The following PRR5L variants were observed in gnomAD, a reference collection of about 807,000 sequenced individuals.
PRR5L encodes the protein proline rich 5 like.
Under a neutral mutation model 36.4 loss-of-function variants are expected in PRR5L, and 21 were observed. That is an observed-to-expected ratio of 0.58 (90% CI 0.41 to 0.83). The LOEUF is 0.83. Ranked by LOEUF, PRR5L falls within the 40% of genes least tolerant of loss-of-function variation. The pLI, the probability that PRR5L is intolerant of heterozygous loss-of-function variation, is 0.00. For synonymous variants in PRR5L, 188 were observed against 197.0 expected (o/e 0.95, Z 0.38); for missense variants, 381 against 473.3 (o/e 0.80, Z 1.81).
chr11:36,336,686 T>C (rs1476924542), intron 1 of PRR5L, among the ~76,000 whole-genome samples: 1 of 152,110 alleles, frequency 6.6e-6, no homozygotes, highest in Non-Finnish European at 1.5e-5. Context: ...TTCTCATCAA[T>C]AGAAAAGCAT....
intron 5 of PRR5L, among the ~76,000 whole-genome samples, chr11:36,432,160 TTTGTTTTGTTTTTGTTTTTG>T (rs1858512113): frequency 3.7e-5 from 1 of 27,116 alleles, no homozygotes; most frequent in African/African-American, 8.8e-5. Context: ...AGGGTTTTTT[TTTGTTTTGTTTTTGTTTTTG>T]TTTTTGTTTT....
intron 1 of PRR5L, among the ~76,000 whole-genome samples, chr11:36,312,228 A>G (rs529136269): frequency 5.9e-5 from 9 of 152,342 alleles, no homozygotes; most frequent in East Asian, 1.9e-4. Context: ...AGGGGAAGAC[A>G]TAGGGGCAAC....
chr11:36,453,965 C>G (rs1443952792), intron 8 of PRR5L: 1 of 152,680 alleles, frequency 6.5e-6, no homozygotes, highest in East Asian at 1.9e-4. Context: ...GAAAGGGCTT[C>G]AGAGTTGCAA....
At chr11:36,391,072 G>C (rs4077045) in intron 1 of PRR5L, among the ~76,000 whole-genome samples, 121,790 of 152,122 alleles carry the variant, frequency 0.8, 48,898 homozygotes, top group East Asian at 0.9. Context: ...TCTTGTTTCC[G>C]TGGTAACTAG....
chr11:36,343,539 C>A (rs1856836184), intron 1 of PRR5L, among the ~76,000 whole-genome samples: 1 of 152,176 alleles, frequency 6.6e-6, no homozygotes, highest in African/African-American at 2.4e-5. Flanking sequence ...CTTCACTGAG[C>A]ACGCAGTAAA....
At chr11:36,341,673 T>G (rs2133480922) in intron 1 of PRR5L, among the ~76,000 whole-genome samples, 1 of 152,320 alleles carries the variant, frequency 6.6e-6, no homozygotes, top group Non-Finnish European at 1.5e-5. Flanking sequence ...AGTACAGAGC[T>G]CTTGCCTCTC....
chr11:36,440,876 CTT>C (rs910716580), intron 6 of PRR5L, among the ~76,000 whole-genome samples: 5 of 152,070 alleles, frequency 3.3e-5, no homozygotes, highest in Non-Finnish European at 5.9e-5. Flanking sequence ...AGGTGGCAGA[CTT>C]TTTGAAACAA....
intron 5 of PRR5L, among the ~76,000 whole-genome samples, chr11:36,436,832 A>T (rs114864292): frequency 0.01 from 1,553 of 152,252 alleles, 16 homozygotes; most frequent in African/African-American, 0.032. Flanking sequence ...TAGTCATGAG[A>T]TATCTTATAG....
At chr11:36,298,976 AT>A (rs1468848643) in intron 1 of PRR5L, among the ~76,000 whole-genome samples, 1 of 152,178 alleles carries the variant, frequency 6.6e-6, no homozygotes, top group African/African-American at 2.4e-5. Context: ...ACTTAATCAC[AT>A]TTTTAAAGGT....
chr11:36,299,587 T>A (rs1237684388), intron 1 of PRR5L, among the ~76,000 whole-genome samples: 2 of 152,224 alleles, frequency 1.3e-5, no homozygotes, highest in African/African-American at 2.4e-5. Context: ...GAGACCATAG[T>A]CATTTTTACA....
intron 4 of PRR5L, among the ~76,000 whole-genome samples, chr11:36,420,315 G>A (rs1302070030): frequency 2.6e-5 from 4 of 152,202 alleles, no homozygotes; most frequent in East Asian, 3.8e-4. Flanking sequence ...AAAGCACTCT[G>A]TACGTAGTGT....
In PRR5L at chr11:36,419,392, T is replaced by C; in HGVS notation, c.294+89T>C. 3 of 1,148,060 alleles carry C rather than the reference T, an allele frequency of 2.6e-6. No individual in the cohort carries two copies. In the East Asian group the frequency reaches 7.1e-5, roughly 27 times the overall value. 71.1% of individuals were successfully genotyped at this position (1,148,060 alleles called of 1,614,324 possible). A position where few individuals can be genotyped will look rare whatever the true frequency, so the allele number is the denominator to read the frequency against. On this transcript the variant is annotated intron_variant, in intron 4 of 8. Coordinates refer to ENST00000530639, the MANE Select transcript of PRR5L (RefSeq NM_001160167.2). ...GTGGCCAATACTGTACAGTTGGACA[T>C]TCCTTCAACAGACAAAATTACGTAT...
At chr11:36,450,681 G>A (rs1336500988) in intron 7 of PRR5L, among the ~76,000 whole-genome samples, 2 of 152,196 alleles carry the variant, frequency 1.3e-5, no homozygotes. Context: ...TGGCAGAAGA[G>A]GGGATCAGAG....
At chr11:36,402,245 T>G (rs2133559166) in intron 2 of PRR5L, among the ~76,000 whole-genome samples, 1 of 152,318 alleles carries the variant, frequency 6.6e-6, no homozygotes, top group East Asian at 1.9e-4. Context: ...TATGGATCTT[T>G]TCTCTTTTTT....
intron 7 of PRR5L, among the ~76,000 whole-genome samples, chr11:36,450,397 A>G (rs1858918503): frequency 6.6e-6 from 1 of 152,134 alleles, no homozygotes; most frequent in Admixed American, 6.5e-5. Flanking sequence ...CAGCCCCTCA[A>G]CATGACAGCA....
intron 3 of PRR5L, among the ~76,000 whole-genome samples, chr11:36,415,048 T>C (rs1858112007): frequency 6.8e-6 from 1 of 147,460 alleles, no homozygotes; most frequent in African/African-American, 2.6e-5. Flanking sequence ...TTCTGTGGGC[T>C]CTGTTCTGTT....
At chr11:36,307,805 G>A (rs1026889227) in intron 1 of PRR5L, among the ~76,000 whole-genome samples, 2 of 152,182 alleles carry the variant, frequency 1.3e-5, no homozygotes, top group African/African-American at 4.8e-5. Context: ...TAATAATTGT[G>A]TAATGTTGAA....
At chr11:36,372,956 G>A (rs1246290177) in intron 1 of PRR5L, among the ~76,000 whole-genome samples, 3 of 148,048 alleles carry the variant, frequency 2.0e-5, no homozygotes, top group Non-Finnish European at 4.4e-5. Context: ...ACAAACTTCA[G>A]CTTTTGCGCT....
chr11:36,393,858 G>A (rs1337254691), intron 1 of PRR5L: 2 of 152,050 alleles, frequency 1.3e-5, no homozygotes, highest in Non-Finnish European at 1.5e-5. Context: ...GAGGCAATTC[G>A]GACATAAAGA....
Sources: allele counts gnomAD v4.1 joint callset (sites outside exome capture counted in the v4.1 genomes callset), GRCh38; gene constraint gnomAD v4.1.1; transcripts MANE v1.5; gene names NCBI Gene and HGNC (gene_info 2026-07-23, HGNC 2026-07-21).